Variants in NFIB observed in about 807,000 individuals in gnomAD.
NFIB encodes nuclear factor 1 B-type.
Under a neutral mutation model 61.5 loss-of-function variants are expected in NFIB, and 11 were observed. The observed-to-expected ratio is 0.18, with a 90% CI of 0.11 to 0.30. The LOEUF (loss-of-function observed/expected upper bound fraction) is 0.30, where lower values mean the gene tolerates loss of function less well. NFIB is among the 10% of genes least tolerant of loss of function. NFIB has a pLI of 1.00. For synonymous variants in NFIB, 260 were observed against 216.5 expected (o/e 1.20, Z -1.76); for missense variants, 471 against 608.9 (o/e 0.77, Z 2.38).
At chr9:14,413,469 T>C in the NFIB span, among the ~76,000 whole-genome samples, 1,290 of 152,278 alleles carry the variant, frequency 8.5e-3, 17 homozygotes, top group African/African-American at 0.03. Context: ...AGATCCCTTA[T>C]TGGTTATTTC....
At chr9:14,348,117 TGTG>T (rs1465139087) in intron 1 of NFIB, among the ~76,000 whole-genome samples, 4 of 152,112 alleles carry the variant, frequency 2.6e-5, no homozygotes, top group South Asian at 4.1e-4. Context: ...GGGAAGGAAA[TGTG>T]GTGCGCCCTC....
At chr9:14,275,404 A>C (rs2057929177) in intron 2 of NFIB, among the ~76,000 whole-genome samples, 1 of 152,180 alleles carries the variant, frequency 6.6e-6, no homozygotes, top group Non-Finnish European at 1.5e-5. Context: ...TCATAAAGTC[A>C]TAGTAAGAAG....
At chr9:14,414,447 A>AAAAAG in the NFIB span, among the ~76,000 whole-genome samples, 1 of 149,604 alleles carries the variant, frequency 6.7e-6, no homozygotes, top group African/African-American at 2.5e-5. Context: ...AAAAAAAAAA[A>AAAAAG]AAAAGAAAAC....
At chr9:14,241,418 G>C (rs917770224) in intron 2 of NFIB, among the ~76,000 whole-genome samples, 4 of 152,124 alleles carry the variant, frequency 2.6e-5, no homozygotes, top group African/African-American at 9.7e-5. Flanking sequence ...GACAGAAGTA[G>C]CTGCATGAAT....
At chr9:14,093,705 C>T (rs2034315249) in intron 10 of NFIB, among the ~76,000 whole-genome samples, 1 of 152,004 alleles carries the variant, frequency 6.6e-6, no homozygotes, top group Non-Finnish European at 1.5e-5. Flanking sequence ...GCACAATAAA[C>T]AGTTCTCCTT....
At chr9:14,451,899 C>A in the NFIB span, among the ~76,000 whole-genome samples, 1 of 151,248 alleles carries the variant, frequency 6.6e-6, no homozygotes, top group Non-Finnish European at 1.5e-5. Flanking sequence ...AAGTTCTGAA[C>A]CTGTCGTCCT....
chr9:14,380,941 G>A (rs1160629592), intron 1 of NFIB, among the ~76,000 whole-genome samples: 13 of 151,660 alleles, frequency 8.6e-5, no homozygotes. Flanking sequence ...CTGAGTGGAG[G>A]CCCCTGTTCC....
chr9:14,526,139 T>C, the NFIB span, among the ~76,000 whole-genome samples: 1 of 152,054 alleles, frequency 6.6e-6, no homozygotes, highest in Non-Finnish European at 1.5e-5. Context: ...CCTGTGCTCA[T>C]AAACATATCC....
chr9:14,440,593 AAG>A, the NFIB span, among the ~76,000 whole-genome samples: 2 of 152,202 alleles, frequency 1.3e-5, no homozygotes, highest in African/African-American at 4.8e-5. Context: ...ACTGATCAGA[AAG>A]AGACTGCTGT....
chr9:14,248,413 G>A (rs2055188410), intron 2 of NFIB, among the ~76,000 whole-genome samples: 1 of 151,630 alleles, frequency 6.6e-6, no homozygotes, highest in Non-Finnish European at 1.5e-5. Flanking sequence ...TGGGATTACA[G>A]GCATACACCA....
the NFIB span, among the ~76,000 whole-genome samples, chr9:14,506,347 G>A: frequency 6.6e-6 from 1 of 152,104 alleles, no homozygotes; most frequent in Non-Finnish European, 1.5e-5. Flanking sequence ...AAACATGCTA[G>A]GTGCTCGGGA....
the NFIB span, among the ~76,000 whole-genome samples, chr9:14,478,109 C>A: frequency 6.6e-6 from 1 of 152,184 alleles, no homozygotes; most frequent in Non-Finnish European, 1.5e-5. Context: ...ATATGGTCAA[C>A]TTGGCCCCTT....
At chr9:14,478,911 G>A in the NFIB span, among the ~76,000 whole-genome samples, 2 of 152,202 alleles carry the variant, frequency 1.3e-5, no homozygotes, top group African/African-American at 4.8e-5. Flanking sequence ...AAAATAGCAT[G>A]TGTATTCATT....
At position 14,084,069 on chromosome 9, in the gene NFIB, C is replaced by CT. The variant is rs1205500986; in HGVS notation, c.*4239dup. The CT allele has an allele frequency of 4.8e-6, 1 of 207,782 alleles. No homozygotes were observed. The highest frequency in any genetic ancestry group is 1.9e-4 in the South Asian group (1 of 5,300). The allele number at this position is 207,782 out of a possible 1,614,324, so 12.9% of individuals were successfully genotyped here. On this transcript the variant is annotated 3_prime_UTR_variant, in exon 11 of 11. Transcript: ENST00000380953. ...AAAATATAACTTTTCTCCATTTACA[C>CT]TTTTTTAAAGGATTAGTATCCTATG...
chr9:14,265,794 T>C (rs1263103780), intron 2 of NFIB, among the ~76,000 whole-genome samples: 2 of 152,160 alleles, frequency 1.3e-5, no homozygotes, highest in Non-Finnish European at 2.9e-5. Flanking sequence ...TTTCAATGAG[T>C]TTGCAGTGTA....
chr9:14,414,917 G>A, the NFIB span, among the ~76,000 whole-genome samples: 2 of 152,108 alleles, frequency 1.3e-5, no homozygotes, highest in African/African-American at 4.8e-5. Flanking sequence ...CAAATCAAAT[G>A]GCCATTCTAT....
At chr9:14,479,256 TG>T in the NFIB span, among the ~76,000 whole-genome samples, 4 of 152,192 alleles carry the variant, frequency 2.6e-5, no homozygotes, top group Non-Finnish European at 5.9e-5. Flanking sequence ...CAGGGGGCTC[TG>T]GGAGTGCATG....
At chr9:14,187,337 G>A (rs898333633) in intron 2 of NFIB, among the ~76,000 whole-genome samples, 1 of 152,072 alleles carries the variant, frequency 6.6e-6, no homozygotes, top group Non-Finnish European at 1.5e-5. Flanking sequence ...TATTTTGGCA[G>A]AACCAATATA....
At chr9:14,117,577 C>G (rs1041732929) in intron 8 of NFIB, among the ~76,000 whole-genome samples, 1 of 152,016 alleles carries the variant, frequency 6.6e-6, no homozygotes, top group African/African-American at 2.4e-5. Flanking sequence ...AGATGAACAG[C>G]TAATAACACT....
Sources: allele counts gnomAD v4.1 joint callset (sites outside exome capture counted in the v4.1 genomes callset), GRCh38; gene constraint gnomAD v4.1.1; transcripts MANE v1.5; gene names NCBI Gene and HGNC (gene_info 2026-07-23, HGNC 2026-07-21).